The following TRAPPC9 variants were observed in gnomAD, a reference collection of about 807,000 sequenced individuals.
TRAPPC9 encodes IKK2 binding protein.
Under a neutral mutation model 124.0 loss-of-function variants are expected in TRAPPC9, and 83 were observed. The ratio of observed to expected loss-of-function variants is 0.67; its 90% confidence interval spans 0.56 to 0.80. TRAPPC9 has a LOEUF of 0.80. Among genes scored for constraint, TRAPPC9 ranks in the 30% least tolerant of loss-of-function variants. The pLI is 0.00. For synonymous variants in TRAPPC9, 638 were observed against 617.5 expected, an observed-to-expected ratio of 1.03 and a Z score of -0.49; for missense variants, 1,302 against 1,508.3, an observed-to-expected ratio of 0.86 and a Z score of 2.27.
chr8:139,808,048 G>A (rs1563830176), intron 21 of TRAPPC9, among the ~76,000 whole-genome samples: 1 of 152,186 alleles, frequency 6.6e-6, no homozygotes, highest in Non-Finnish European at 1.5e-5. Context: ...GAAAATCCTC[G>A]TTAAAGTCAC....
intron 17 of TRAPPC9, among the ~76,000 whole-genome samples, chr8:140,035,166 T>C (rs1164179548): frequency 1.3e-5 from 2 of 152,254 alleles, no homozygotes. Context: ...GAATTGTCCT[T>C]ACATTAATTC....
rs2062503225 is a variant in TRAPPC9, at chr8:140,192,033, G to A, written c.2556+29426C>T. ...GATTGTGGATGGTACCTGGCATATA[G>A]CAAAAATTTGAAAAAATATGGTATC... On this transcript the variant is annotated intron_variant, in intron 17 of 22. Coordinates refer to ENST00000438773, the MANE Select transcript of TRAPPC9 (RefSeq NM_001160372.4). 3.3e-5 allele frequency among the ~76,000 whole-genome samples: 5 copies of A among 152,274 alleles called. No individual in the cohort carries two copies. In the South Asian group the frequency reaches 1.0e-3, roughly 32 times the overall value.
At chr8:139,947,975 G>A (rs1230456022) in intron 19 of TRAPPC9, among the ~76,000 whole-genome samples, 5 of 148,106 alleles carry the variant, frequency 3.4e-5, no homozygotes, top group Admixed American at 6.8e-5. Flanking sequence ...TTGACAGCAC[G>A]GGATTTTGAG....
intron 4 of TRAPPC9, among the ~76,000 whole-genome samples, chr8:140,429,733 G>A (rs2070564820): frequency 6.6e-6 from 1 of 152,124 alleles, no homozygotes; most frequent in South Asian, 2.1e-4. Flanking sequence ...TTGAACCCGG[G>A]AGGCAGCGGT....
intron 19 of TRAPPC9, among the ~76,000 whole-genome samples, chr8:139,973,520 G>A (rs1327829216): frequency 1.3e-5 from 2 of 152,238 alleles, no homozygotes; most frequent in Non-Finnish European, 2.9e-5. Context: ...GTGGACAGGG[G>A]GCAAACTGAA....
chr8:140,035,953 A>G lies in TRAPPC9; in HGVS notation c.2557-11874T>C, dbSNP rs111629647. Among the ~76,000 whole-genome samples, 1,154 of 152,326 alleles carry G rather than the reference A, an allele frequency of 7.6e-3. 13 individuals are homozygous for G. Among genetic ancestry groups the G allele is most frequent in the African/African-American group, 0.026 (1,099 of 41,568 alleles). ...GTCCTTTCTTGGCATCAGCTTTCCC[A>G]TCTGTGAAATATGGATTTGGACCAA... On this transcript the variant is annotated intron_variant, in intron 17 of 22. Transcript: ENST00000438773.
intron 14 of TRAPPC9, among the ~76,000 whole-genome samples, chr8:140,279,282 T>C (rs1037527295): frequency 1.3e-5 from 2 of 152,180 alleles, no homozygotes. Context: ...GTCGAGGGCA[T>C]TTTTTATTCA....
chr8:140,258,357 G>A (rs769832458), intron 15 of TRAPPC9, among the ~76,000 whole-genome samples: 28 of 152,202 alleles, frequency 1.8e-4, no homozygotes, highest in Non-Finnish European at 3.5e-4. Context: ...TCACACACAC[G>A]GCTGTTGCCA....
intron 21 of TRAPPC9, among the ~76,000 whole-genome samples, chr8:139,843,424 T>A (rs1281561550): frequency 6.6e-6 from 1 of 152,186 alleles, no homozygotes; most frequent in Non-Finnish European, 1.5e-5. Flanking sequence ...CTTGGACTCC[T>A]CTGAATTTCT....
At chr8:140,345,172 C>G (rs191384300) in intron 9 of TRAPPC9, among the ~76,000 whole-genome samples, 8 of 152,336 alleles carry the variant, frequency 5.3e-5, no homozygotes, top group African/African-American at 1.9e-4. Context: ...GATCCCCCAG[C>G]AGAACATGCA....
chr8:139,835,406 C>T (rs546792684), intron 21 of TRAPPC9, among the ~76,000 whole-genome samples: 14 of 152,388 alleles, frequency 9.2e-5, no homozygotes, highest in South Asian at 2.1e-4. Flanking sequence ...CAAGCATCCT[C>T]GCCGCCGTCC....
At chr8:140,067,963 G>A (rs1479989566) in intron 17 of TRAPPC9, among the ~76,000 whole-genome samples, 4 of 152,130 alleles carry the variant, frequency 2.6e-5, no homozygotes, top group Non-Finnish European at 5.9e-5. Flanking sequence ...TGCAGTGTCT[G>A]AGCAGGCATG....
intron 20 of TRAPPC9, among the ~76,000 whole-genome samples, chr8:139,893,074 A>G (rs1830446120): frequency 1.3e-5 from 2 of 152,086 alleles, no homozygotes; most frequent in African/African-American, 2.4e-5. Flanking sequence ...AGTTAAACTC[A>G]CTCTGCCCTC....
intron 21 of TRAPPC9, among the ~76,000 whole-genome samples, chr8:139,866,672 C>G (rs1828561187): frequency 6.6e-6 from 1 of 152,128 alleles, no homozygotes; most frequent in Non-Finnish European, 1.5e-5. Context: ...AAGGGACAAA[C>G]CATAAGGAAC....
At chr8:140,014,344 C>A (rs1418704595) in intron 18 of TRAPPC9, among the ~76,000 whole-genome samples, 1 of 152,066 alleles carries the variant, frequency 6.6e-6, no homozygotes. Context: ...GGTTACCAGG[C>A]AGCTCTGTGT....
chr8:140,067,198 C>A (rs1293241756), intron 17 of TRAPPC9, among the ~76,000 whole-genome samples: 2 of 152,174 alleles, frequency 1.3e-5, no homozygotes, highest in Non-Finnish European at 2.9e-5. Flanking sequence ...GGCTGGAGTG[C>A]AATGGCGCAG....
At chr8:140,152,235 TAAAAAA>T (rs71320343) in intron 17 of TRAPPC9, among the ~76,000 whole-genome samples, 38 of 106,696 alleles carry the variant, frequency 3.6e-4, no homozygotes, top group South Asian at 6.5e-4. Flanking sequence ...ACTTAAGCTT[TAAAAAA>T]AAAAAAAAAA....
intron 18 of TRAPPC9, among the ~76,000 whole-genome samples, chr8:140,005,338 G>C (rs1160141573): frequency 1.3e-5 from 2 of 152,200 alleles, no homozygotes; most frequent in Non-Finnish European, 2.9e-5. Flanking sequence ...GAGTAGGAAG[G>C]TGCTGAAATC....
At position 139,970,899 on chromosome 8, in the gene TRAPPC9, C is replaced by T. The variant is rs988505419; in HGVS notation, c.2810+17827G>A. Among the ~76,000 whole-genome samples, 11 of 152,236 alleles carry T rather than the reference C, an allele frequency of 7.2e-5. No homozygotes were observed. In the East Asian group the frequency reaches 2.1e-3, roughly 30 times the overall value. On this transcript the variant is annotated intron_variant, in intron 19 of 22. Coordinates refer to ENST00000438773, the MANE Select transcript of TRAPPC9 (RefSeq NM_001160372.4). The stretch of plus-strand genomic sequence containing the variant: ...CACGTGGCTAGACAACCTCTGCCCC[C>T]TGTCGAACCCCCTCCACCCCAGCTG...
Sources: gnomAD v4.1 joint callset for allele counts (sites outside exome capture counted in the v4.1 genomes callset) on GRCh38, gnomAD v4.1.1 for gene constraint, MANE v1.5 for transcripts, NCBI Gene and HGNC (gene_info 2026-07-23, HGNC 2026-07-21) for gene names.